The following UBN1 variants were observed in gnomAD, a reference collection of about 807,000 sequenced individuals.
The protein encoded by UBN1 is ubinuclein 1.
A neutral mutation model predicts 108.5 loss-of-function variants in UBN1; 17 were observed. The observed-to-expected ratio is 0.16, with a 90% confidence interval of 0.11 to 0.24. The LOEUF (loss-of-function observed/expected upper bound fraction) is 0.24. Ranked by LOEUF, UBN1 falls within the 10% of genes least tolerant of loss-of-function variation. The pLI is 1.00. For synonymous variants in UBN1, 726 were observed against 564.2 expected, an observed-to-expected ratio of 1.29 and a Z score of -4.07; for missense variants, 1,595 against 1,394.4, an observed-to-expected ratio of 1.14 and a Z score of -2.29.
In UBN1 at chr16:4,853,306, C is replaced by T. The variant is rs149020139; in HGVS notation, c.249+140C>T. ...GATCCTGTCACTCACTCAAGGCAAG[C>T]ACAAGATTTGCTTCTCTTACCTCTG... On this transcript the variant is annotated intron_variant, in intron 2 of 17. Transcript: ENST00000262376. The T allele has an allele frequency of 1.7e-4, 201 of 1,207,800 alleles. No homozygotes were observed. In the African/African-American group the frequency reaches 2.8e-3, roughly 17 times the overall value. The allele number at this position is 1,207,800 out of a possible 1,614,324, so 74.8% of individuals were successfully genotyped here. A position where few individuals can be genotyped will look rare whatever the true frequency, so the allele number is the denominator to read the frequency against.
rs1473730037 is a variant in UBN1, at chr16:4,874,901, A to G, written c.2491A>G (p.Lys831Glu). The change falls in exon 15 of 18, where the codon AAG (lysine) becomes GAG (glutamate). Residue 831 changes from lysine to glutamate, a missense_variant. Physicochemically the swap from Lys to Glu is moderately conservative, Grantham distance 56. This residue lies in a region of UBN1 where 1,398 missense variants were observed against 1,194.7 expected (regional missense o/e 1.17). Transcript: ENST00000262376. The part of the protein sequence containing the change: ...SPFANKLQGP[K>E]ASPTQCHRSL... ...ATTTGCCAATAAGCTCCAAGGCCCA[A>G]AGGCTTCTCCCACACAGTGTCATCG... The G allele has an allele frequency of 5.0e-6, 8 of 1,614,026 alleles. No individual in the cohort carries two copies. Among genetic ancestry groups the G allele is most frequent in the African/African-American group, 4.0e-5 (3 of 74,936 alleles).
chr16:4,861,144 T>C (rs747871553), intron 7 of UBN1, 42 bp downstream of exon 7: 1 of 1,567,152 alleles, frequency 6.4e-7, no homozygotes, highest in Non-Finnish European at 8.6e-7. Flanking sequence ...GGAAGCAGTT[T>C]GGGCAGATTG....
rs1567937182 is a variant in UBN1 at position 4,870,355 on chromosome 16, GA to G, written c.1311+15del. ...CTCTATGAACAGGTGGGTGACTCTA[GA>G]GTGAAGCCCTTTGGCTTTGGGGTCC... On this transcript the variant is annotated intron_variant, in intron 9 of 17. Transcript: ENST00000262376. 6.2e-7 allele frequency: 1 copy of G among 1,613,624 alleles called. No individual in the cohort carries two copies. Among genetic ancestry groups the G allele is most frequent in the Non-Finnish European group, 8.5e-7 (1 of 1,179,822 alleles).
At position 4,859,046 on chromosome 16, in the gene UBN1, T is replaced by G. The variant is rs766252354; in HGVS notation, c.454T>G (p.Ser152Ala). ...SEAYDELVPA[S>A]LTTKYGGFYI... is the part of the protein sequence containing the mutation. Reference sequence around the variant, plus strand: ...TCAGTATGATGAGCTTGTTCCTGCTTCTTTGACTACGAAGTATGGAGGATT... The same window carrying G: ...TCAGTATGATGAGCTTGTTCCTGCTGCTTTGACTACGAAGTATGGAGGATT... The change falls in exon 5 of 18, where the codon TCT (serine) becomes GCT (alanine). Residue 152 changes from serine to alanine, a missense_variant. This residue lies in a region of UBN1 where 16 missense variants were observed against 42.4 expected (regional missense o/e 0.38). Transcript: ENST00000262376. 6.2e-6 allele frequency: 10 copies of G among 1,614,020 alleles called. No homozygotes were observed. Among genetic ancestry groups the G allele is most frequent in the Non-Finnish European group, 5.9e-6 (7 of 1,179,990 alleles).
At position 4,866,369 on chromosome 16, in the gene UBN1, T is replaced by C. The variant is rs8045325; in HGVS notation, c.1111-2464T>C. ...TTCTGACTTAGTTTTGGTTGTTTGG[T>C]GTTAAGCTTTTCTTCCTGTGGCGTG... On this transcript the variant is annotated intron_variant, in intron 7 of 17. Coordinates refer to ENST00000262376, the MANE Select transcript of UBN1 (RefSeq NM_001079514.3). Among the ~76,000 whole-genome samples the C allele has an allele frequency of 8.9e-3, 1,360 of 152,314 alleles. 17 individuals carry two copies. The highest frequency in any genetic ancestry group is 0.031 in the African/African-American group (1,301 of 41,564).
intron 7 of UBN1, among the ~76,000 whole-genome samples, chr16:4,868,622 C>T (rs997254410): frequency 2.0e-5 from 3 of 152,224 alleles, no homozygotes; most frequent in African/African-American, 4.8e-5. Flanking sequence ...CCAGGAAGAA[C>T]TGGCAGCCCA....
Position 4,880,156 on chromosome 16 carries a change from A to G in UBN1, c.*24A>G, listed in dbSNP as rs2088035966. ...GACCGCTTCAGAGGCAAGGCTTGCC[A>G]CTTGGGTCTGGGTGGAATCAGAACG... On this transcript the variant is annotated 3_prime_UTR_variant, in exon 18 of 18. Transcript: ENST00000262376. The G allele has an allele frequency of 1.2e-6, 2 of 1,613,468 alleles. No homozygotes were observed. Among genetic ancestry groups the G allele is most frequent in the Non-Finnish European group, 8.5e-7 (1 of 1,179,532 alleles).
chr16:4,870,674 C>G (rs1299414218), intron 10 of UBN1, 40 bp downstream of exon 10: 1 of 1,610,348 alleles, frequency 6.2e-7, no homozygotes, highest in South Asian at 1.1e-5. Context: ...ACCCTCCCGT[C>G]TTGCCTCTTC....
chr16:4,859,755 A>G, intron 5 of UBN1, 110 bp from the exon 6 acceptor site: 1 of 1,508,390 alleles, frequency 6.6e-7, no homozygotes, highest in South Asian at 1.3e-5. Flanking sequence ...CATGAAGGAA[A>G]TGAGACAGGT....
intron 1 of UBN1, among the ~76,000 whole-genome samples, chr16:4,850,251 A>G (rs1247787426): frequency 6.6e-6 from 1 of 152,134 alleles, no homozygotes; most frequent in African/African-American, 2.4e-5. Flanking sequence ...CTGTAGTCCT[A>G]TTTTTTACCT....
chr16:4,852,129 G>C (rs1299700447), intron 1 of UBN1: 1 of 152,176 alleles, frequency 6.6e-6, no homozygotes, highest in East Asian at 1.9e-4. Context: ...GTTCACACTA[G>C]AATATGAACT....
At chr16:4,870,408 C>G in intron 9 of UBN1, 67 bp downstream of exon 9, 1 of 1,609,880 alleles carries the variant, frequency 6.2e-7, no homozygotes, top group Non-Finnish European at 8.5e-7. Context: ...GAGTCTTAAG[C>G]AATGATGCGT....
At chr16:4,856,260 A>G (rs544603197) in intron 2 of UBN1, among the ~76,000 whole-genome samples, 1 of 152,294 alleles carries the variant, frequency 6.6e-6, no homozygotes, top group African/African-American at 2.4e-5. Context: ...AGAAAAATGC[A>G]TGGAGGATAC....
In UBN1 at chr16:4,870,975, G is replaced by T; in HGVS notation, c.1559+3G>T. On this transcript the variant is annotated splice_donor_region_variant and intron_variant, in intron 11 of 17. Transcript: ENST00000262376. ...TTCCAATGGAATGATGAGATCAGGTGTGCCCACACTGGGACTTGGCCTCTT... is the reference window on the plus strand; with the variant it reads ...TTCCAATGGAATGATGAGATCAGGTTTGCCCACACTGGGACTTGGCCTCTT... 6.2e-7 allele frequency: 1 copy of T among 1,614,120 alleles called. No homozygotes were observed. The highest frequency in any genetic ancestry group is 8.5e-7 in the Non-Finnish European group (1 of 1,179,990).
chr16:4,850,216 G>C (rs1272239603), intron 1 of UBN1, among the ~76,000 whole-genome samples: 2 of 152,158 alleles, frequency 1.3e-5, no homozygotes, highest in African/African-American at 4.8e-5. Flanking sequence ...AGTGGTAATA[G>C]AGTACAGATT....
At position 4,860,842 on chromosome 16, in the gene UBN1, G is replaced by A; in HGVS notation, c.850G>A (p.Gly284Ser). The A allele has an allele frequency of 6.2e-7, 1 of 1,614,284 alleles. No homozygotes were observed. Among genetic ancestry groups the A allele is most frequent in the Non-Finnish European group, 8.5e-7 (1 of 1,180,052 alleles). The change falls in exon 7 of 18, where the codon GGT becomes AGT. Residue 284 changes from glycine to serine, a missense_variant. Gly to Ser is a moderately conservative substitution (Grantham distance 56). Around this residue, in one of 3 missense-constraint regions of UBN1, gnomAD observed 1,398 missense variants for 1,194.7 expected, o/e 1.17. Coordinates refer to ENST00000262376, the MANE Select transcript of UBN1 (RefSeq NM_001079514.3). ...AEAQGLRELE[G>S]ASDPLLSLFG... ...AGCTCAGGGCCTGCGGGAACTGGAG[G>A]GTGCCTCTGACCCCTTGCTCTCACT...
chr16:4,849,967 C>CAA (rs1427006025), intron 1 of UBN1, among the ~76,000 whole-genome samples: 3 of 117,712 alleles, frequency 2.5e-5, no homozygotes, highest in African/African-American at 9.5e-5. Context: ...AAAAAAAAAA[C>CAA]CACAAAAAAA....
At chr16:4,870,660 T>C (rs6500637) in intron 10 of UBN1, 26 bp downstream of exon 10, 613,043 of 1,612,448 alleles carry the variant, frequency 0.38, 118,839 homozygotes, top group South Asian at 0.51. Flanking sequence ...CGCTTGCAGG[T>C]GCAACCCTCC....
intron 1 of UBN1, among the ~76,000 whole-genome samples, chr16:4,851,562 C>G (rs1169212899): frequency 1.3e-5 from 2 of 152,040 alleles, no homozygotes; most frequent in African/African-American, 4.8e-5. Context: ...CTAGTTTTAA[C>G]TGCATACAAA....
Sources: allele counts gnomAD v4.1 joint callset (sites outside exome capture counted in the v4.1 genomes callset), GRCh38; gene constraint gnomAD v4.1.1; regional missense constraint gnomAD v4.1.1; transcripts MANE v1.5; gene names NCBI Gene and HGNC (gene_info 2026-07-23, HGNC 2026-07-21).